The following USP40 variants were observed in gnomAD, a reference collection of about 807,000 sequenced individuals.
The protein encoded by USP40 is ubiquitin carboxyl-terminal hydrolase 40.
USP40 carries 143 observed loss-of-function variants against 166.2 expected under a neutral mutation model. The ratio of observed to expected loss-of-function variants is 0.86; its 90% CI spans 0.75 to 0.99. The LOEUF is 0.99. USP40 is among the 50% of genes least tolerant of loss of function. The pLI is 0.00. For synonymous variants in USP40, 498 were observed against 524.0 expected (o/e 0.95, Z 0.68); for missense variants, 1,444 against 1,479.7 (o/e 0.98, Z 0.40).
chr2:233,506,198 C>T (rs1282745648), intron 21 of USP40, among the ~76,000 whole-genome samples: 2 of 152,150 alleles, frequency 1.3e-5, no homozygotes, highest in African/African-American at 4.8e-5. Flanking sequence ...AATTCACAAA[C>T]TTAACAGCCA....
At chr2:233,520,826 C>T (rs557300761) in intron 17 of USP40, among the ~76,000 whole-genome samples, 165 bp downstream of exon 17, 1 of 152,154 alleles carries the variant, frequency 6.6e-6, no homozygotes, top group Non-Finnish European at 1.5e-5. Flanking sequence ...ATGCTAAGGG[C>T]TAACATAGGT....
chr2:233,520,549 A>G (rs565774555), intron 17 of USP40, among the ~76,000 whole-genome samples: 1 of 152,292 alleles, frequency 6.6e-6, no homozygotes, highest in African/African-American at 2.4e-5. Context: ...TTTTAAGAAC[A>G]CCTGGCTTTA....
intron 22 of USP40, among the ~76,000 whole-genome samples, chr2:233,499,601 T>G (rs190587590): frequency 6.6e-6 from 1 of 152,184 alleles, no homozygotes; most frequent in South Asian, 2.1e-4. Flanking sequence ...TCCACAATGG[T>G]TGACCTAATT....
intron 13 of USP40, among the ~76,000 whole-genome samples, chr2:233,526,667 T>C (rs1028830327): frequency 6.6e-6 from 1 of 151,988 alleles, no homozygotes; most frequent in African/African-American, 2.4e-5. Context: ...CAGAAAGTAG[T>C]GTGGAGCAGG....
chr2:233,556,923 G>A lies in USP40; in HGVS notation c.478C>T (p.Arg160Cys), dbSNP rs764265928. Residue 160 changes from arginine (R) to cysteine (C), a missense_variant, in exon 5 of 32, where the codon CGT (arginine) becomes TGT (cysteine). Arg to Cys is a radical substitution (Grantham distance 180, BLOSUM62 -3). Transcript: ENST00000678225. Reference protein sequence around the residue: ...VGTSGHDLIYRLYHGTIVNQI... With the variant: ...VGTSGHDLIYCLYHGTIVNQI... Reference sequence around the variant, plus strand: ...TTAACAATGGTTCCATGGTACAGACGATAGATGAGGTCATGACCGGAGGTC... The same window carrying A: ...TTAACAATGGTTCCATGGTACAGACAATAGATGAGGTCATGACCGGAGGTC... The A allele has an allele frequency of 9.9e-6, 16 of 1,613,802 alleles. No individual in the cohort carries two copies. Among genetic ancestry groups the A allele is most frequent in the East Asian group, 8.9e-5 (4 of 44,876 alleles).
intron 18 of USP40, among the ~76,000 whole-genome samples, chr2:233,518,887 A>C (rs190562474): frequency 1.3e-3 from 196 of 152,322 alleles, no homozygotes; most frequent in African/African-American, 4.5e-3. Flanking sequence ...AGGATAAACA[A>C]AATGTGATAC....
Position 233,549,231 on chromosome 2 carries a change from TA to T in USP40, c.838-3del. On this transcript the variant is annotated splice_region_variant and splice_polypyrimidine_tract_variant and intron_variant, in intron 7 of 31. Transcript: ENST00000678225. Reference sequence around the variant, plus strand: ...ATATTCTAAGTCATCCAATTCACTCTAAAAGAAAAAAGAACAAAAATATTGA... The same window carrying T: ...ATATTCTAAGTCATCCAATTCACTCTAAAGAAAAAAGAACAAAAATATTGA... 1 of 1,384,972 alleles carries T rather than the reference TA, an allele frequency of 7.2e-7. No homozygotes were observed. Among genetic ancestry groups the T allele is most frequent in the Non-Finnish European group, 9.8e-7 (1 of 1,021,950 alleles). 85.8% of individuals were successfully genotyped at this position (1,384,972 alleles called of 1,614,324 possible). A position where few individuals can be genotyped will look rare whatever the true frequency, so the allele number is the denominator to read the frequency against.
chr2:233,527,492 G>T lies in USP40; in HGVS notation c.1640C>A (p.Pro547Gln). 1 of 1,613,684 alleles carries T rather than the reference G, an allele frequency of 6.2e-7. No homozygotes were observed. Among genetic ancestry groups the T allele is most frequent in the Non-Finnish European group, 8.5e-7 (1 of 1,179,762 alleles). The change falls in exon 13 of 32, where the codon CCA becomes CAA. Residue 547 changes from proline (P) to glutamine (Q), a missense_variant. Coordinates refer to ENST00000678225, the MANE Select transcript of USP40 (RefSeq NM_001365479.2). Reference protein sequence around the residue: ...QYHFFNGALHPVVSQTESVWD... With the variant: ...QYHFFNGALHQVVSQTESVWD... Reference sequence around the variant, plus strand: ...CACGCTTTCTGTTTGAGAGACTACTGGGTGCAGAGCCCCATTGAAGAAATG... The same window carrying T: ...CACGCTTTCTGTTTGAGAGACTACTTGGTGCAGAGCCCCATTGAAGAAATG...
chr2:233,556,720 T>C, intron 5 of USP40, 135 bp downstream of exon 5: 2 of 788,050 alleles, frequency 2.5e-6, no homozygotes, highest in Non-Finnish European at 3.6e-6. Flanking sequence ...TAGGTGTAGT[T>C]AGAAGAAAAA....
At chr2:233,502,167 G>A (rs1165835370) in intron 21 of USP40, among the ~76,000 whole-genome samples, 7 of 152,174 alleles carry the variant, frequency 4.6e-5, no homozygotes, top group African/African-American at 9.7e-5. Flanking sequence ...GGGGTTCAAC[G>A]GAGTACAGAA....
At chr2:233,497,695 G>T (rs970758366) in intron 23 of USP40, among the ~76,000 whole-genome samples, 6 of 152,188 alleles carry the variant, frequency 3.9e-5, no homozygotes, top group Non-Finnish European at 8.8e-5. Flanking sequence ...AAGCTATTTG[G>T]GTAAATATAT....
chr2:233,498,028 T>C (rs1162259624), intron 23 of USP40, among the ~76,000 whole-genome samples: 2 of 152,216 alleles, frequency 1.3e-5, no homozygotes. Flanking sequence ...CTGGGAAATA[T>C]CATGCTATTT....
At chr2:233,500,415 C>T (rs75165655) in intron 21 of USP40, among the ~76,000 whole-genome samples, 1,551 of 151,918 alleles carry the variant, frequency 0.01, 27 homozygotes, top group African/African-American at 0.035. Flanking sequence ...TGGCATAATG[C>T]AAAAATGAGA....
rs1237511342 is a variant in USP40 at position 233,510,030 on chromosome 2, A to G, written c.2613+19T>C. The stretch of plus-strand genomic sequence containing the variant: ...ACAAACACACACAGCCTCTGAAAAC[A>G]AAAGGTAAAATTACTTACATCTCTC... On this transcript the variant is annotated intron_variant, in intron 21 of 31. Coordinates refer to ENST00000678225, the MANE Select transcript of USP40 (RefSeq NM_001365479.2). 1 of 1,552,158 alleles carries G rather than the reference A, an allele frequency of 6.4e-7. No individual in the cohort carries two copies. Among genetic ancestry groups the G allele is most frequent in the Non-Finnish European group, 8.8e-7 (1 of 1,141,670 alleles).
At chr2:233,490,160 CTTTTTTTTTT>C (rs545796570) in intron 26 of USP40, among the ~76,000 whole-genome samples, 3 of 131,680 alleles carry the variant, frequency 2.3e-5, no homozygotes, top group African/African-American at 8.7e-5. Flanking sequence ...TTCTTTTCTC[CTTTTTTTTTT>C]TTTTTTTTTT....
In USP40 at chr2:233,519,672, C is replaced by G; in HGVS notation, c.2326-1G>C. 1.4e-6 allele frequency: 2 copies of G among 1,395,632 alleles called. No homozygotes were observed. Among genetic ancestry groups the G allele is most frequent in the Non-Finnish European group, 2.0e-6 (2 of 1,019,974 alleles). 86.5% of individuals were successfully genotyped at this position (1,395,632 alleles called of 1,614,324 possible). ...CTTTAATTCGAATATCAAACACCAT[C>G]TAAAACAGAGAAATAAAATAATGAC... On this transcript the variant is annotated splice_acceptor_variant, in intron 17 of 31. Coordinates refer to ENST00000678225, the MANE Select transcript of USP40 (RefSeq NM_001365479.2). LOFTEE classifies it high-confidence loss of function.
intron 23 of USP40, among the ~76,000 whole-genome samples, chr2:233,497,543 G>C (rs1395266567): frequency 6.6e-6 from 1 of 152,074 alleles, no homozygotes; most frequent in Non-Finnish European, 1.5e-5. Context: ...TGAAAGATAA[G>C]GAGGATATTT....
At chr2:233,508,445 C>T (rs2066579940) in intron 21 of USP40, among the ~76,000 whole-genome samples, 1 of 152,178 alleles carries the variant, frequency 6.6e-6, no homozygotes, top group Admixed American at 6.5e-5. Context: ...ATGAATTTAA[C>T]CTGTTCCTCT....
rs535861678 is a variant in USP40 at position 233,525,288 on chromosome 2, A to G, written c.1810+190T>C. 4.6e-5 allele frequency among the ~76,000 whole-genome samples: 7 copies of G among 152,380 alleles called. No homozygotes were observed. In the South Asian group the frequency reaches 1.4e-3, roughly 32 times the overall value. On this transcript the variant is annotated intron_variant, in intron 14 of 31. Transcript: ENST00000678225. ...TTTCCATGTTAGAAGAATTTCACAC[A>G]TTATATAAACTGGATACATTAAAAC...
Sources: gnomAD v4.1 joint callset for allele counts (sites outside exome capture counted in the v4.1 genomes callset) on GRCh38, gnomAD v4.1.1 for gene constraint, MANE v1.5 for transcripts, NCBI Gene and HGNC (gene_info 2026-07-23, HGNC 2026-07-21) for gene names.